The following APOLD1 variants were observed in gnomAD, a reference collection of about 807,000 sequenced individuals.
APOLD1 encodes the protein apolipoprotein L domain-containing protein 1.
In APOLD1, 22 loss-of-function variants were observed where a neutral mutation model predicts 15.3. The ratio of observed to expected loss-of-function variants is 1.44; its 90% confidence interval spans 1.03 to 2.05. The LOEUF (loss-of-function observed/expected upper bound fraction) is 2.05, where lower values mean the gene tolerates loss of function less well. Ranked by LOEUF, APOLD1 falls within the 30% of genes most tolerant of loss-of-function variation. The pLI, the probability that APOLD1 is intolerant of heterozygous loss-of-function variation, is 0.00. For missense variants in APOLD1, 394 were observed against 353.5 expected (o/e 1.11, Z -0.92); for synonymous variants, 190 against 167.4 (o/e 1.13, Z -1.04).
chr12:12,763,126 G>GAA (rs548744102), intron 1 of APOLD1, among the ~76,000 whole-genome samples: 2,098 of 151,458 alleles, frequency 0.014, 29 homozygotes, highest in Non-Finnish European at 0.019. Flanking sequence ...CCTGTCTCAA[G>GAA]AAAAAAAATT....
intron 1 of APOLD1, among the ~76,000 whole-genome samples, chr12:12,761,647 T>C (rs1946899323): frequency 6.6e-6 from 1 of 152,014 alleles, no homozygotes; most frequent in Non-Finnish European, 1.5e-5. Flanking sequence ...ATATGATAAA[T>C]GTCTATCAAC....
At chr12:12,748,156 A>G (rs1234098325) in intron 1 of APOLD1, among the ~76,000 whole-genome samples, 4 of 152,234 alleles carry the variant, frequency 2.6e-5, no homozygotes, top group African/African-American at 9.6e-5. Context: ...CTATCCTTTT[A>G]GATATTAAGA....
chr12:12,737,073 T>C (rs1348921072), intron 1 of APOLD1, among the ~76,000 whole-genome samples: 2 of 152,236 alleles, frequency 1.3e-5, no homozygotes, highest in Non-Finnish European at 2.9e-5. Flanking sequence ...GAATACTGAA[T>C]CTTTTGCTTC....
intron 1 of APOLD1, chr12:12,771,629 CT>C: frequency 2.0e-6 from 1 of 499,132 alleles, no homozygotes; most frequent in Non-Finnish European, 4.0e-6. Flanking sequence ...TAATTTTCTG[CT>C]TGCTATTGTC....
rs1947170546 is a variant in APOLD1, at chr12:12,790,006, T to C, written c.*2354T>C. On this transcript the variant is annotated 3_prime_UTR_variant, in exon 2 of 2. Coordinates refer to ENST00000356591, the MANE Select transcript of APOLD1 (RefSeq NM_030817.3). ...GACTGTTTCACCCAGATGCTAGCAT[T>C]TTTTTTTTTTTTTTGAGACAGAGTC... 1 of 144,246 alleles carries C rather than the reference T, an allele frequency of 6.9e-6. No homozygotes were observed. The highest frequency in any genetic ancestry group is 2.7e-5 in the African/African-American group (1 of 36,902). 8.9% of individuals were successfully genotyped at this position (144,246 alleles called of 1,614,324 possible).
chr12:12,743,420 G>T (rs1946742379), intron 1 of APOLD1, among the ~76,000 whole-genome samples: 1 of 152,124 alleles, frequency 6.6e-6, no homozygotes, highest in African/African-American at 2.4e-5. Context: ...GAGGAGAGCG[G>T]TTTGGATTAT....
intron 1 of APOLD1, among the ~76,000 whole-genome samples, chr12:12,775,971 T>G (rs1387353339): frequency 1.7e-5 from 2 of 117,698 alleles, no homozygotes; most frequent in East Asian, 5.7e-4. Flanking sequence ...GCCACTGCAC[T>G]CCAGCTTGGG....
chr12:12,761,011 T>C (rs1210634171), intron 1 of APOLD1, among the ~76,000 whole-genome samples: 4 of 152,238 alleles, frequency 2.6e-5, no homozygotes, highest in Non-Finnish European at 5.9e-5. Flanking sequence ...TTTGAGATGT[T>C]AAACCTTATA....
chr12:12,791,114 C>T lies in APOLD1; in HGVS notation c.*3462C>T, dbSNP rs568162585. 6 of 152,166 alleles carry T rather than the reference C, an allele frequency of 3.9e-5. No homozygotes were observed. Among genetic ancestry groups the T allele is most frequent in the Non-Finnish European group, 8.8e-5 (6 of 68,032 alleles). The allele number at this position is 152,166 out of a possible 1,614,324, so 9.4% of individuals were successfully genotyped here. The stretch of plus-strand genomic sequence containing the variant: ...GCATTTTCAGGATTCAATAGAACTG[C>T]TCCATTAAAAAAATAATCCTTAGCA... On this transcript the variant is annotated 3_prime_UTR_variant, in exon 2 of 2. Coordinates refer to ENST00000356591, the MANE Select transcript of APOLD1 (RefSeq NM_030817.3).
intron 1 of APOLD1, among the ~76,000 whole-genome samples, chr12:12,740,744 T>C (rs144797133): frequency 1.3e-5 from 2 of 152,348 alleles, no homozygotes; most frequent in African/African-American, 4.8e-5. Context: ...CAGTATTACC[T>C]GAAAATTCTT....
intron 1 of APOLD1, among the ~76,000 whole-genome samples, chr12:12,732,031 C>T (rs1261386788): frequency 1.3e-5 from 2 of 152,242 alleles, no homozygotes; most frequent in Admixed American, 6.5e-5. Flanking sequence ...GCTCTCAACA[C>T]ATCCCCATCC....
chr12:12,744,176 G>A (rs1349291327), intron 1 of APOLD1, among the ~76,000 whole-genome samples: 1 of 152,012 alleles, frequency 6.6e-6, no homozygotes, highest in Non-Finnish European at 1.5e-5. Flanking sequence ...GCAAGGAACG[G>A]TGTGCACCTG....
chr12:12,750,246 G>A (rs540663899), intron 1 of APOLD1, among the ~76,000 whole-genome samples: 22 of 151,950 alleles, frequency 1.4e-4, no homozygotes, highest in African/African-American at 5.1e-4. Flanking sequence ...GTGGCACATG[G>A]CAGTAATCCC....
chr12:12,775,953 A>G (rs563370286), intron 1 of APOLD1, among the ~76,000 whole-genome samples: 1 of 142,712 alleles, frequency 7.0e-6, no homozygotes, highest in East Asian at 2.4e-4. Flanking sequence ...ACAGTGAGCT[A>G]TGATCATGCC....
At chr12:12,786,664 A>G in intron 1 of APOLD1, 2 of 985,416 alleles carry the variant, frequency 2.0e-6, no homozygotes, top group Non-Finnish European at 1.2e-6. Flanking sequence ...GAAGCAGAAG[A>G]TAGCATTATT....
At chr12:12,772,602 T>G (rs2136392896) in intron 1 of APOLD1, among the ~76,000 whole-genome samples, 1 of 152,322 alleles carries the variant, frequency 6.6e-6, no homozygotes, top group East Asian at 1.9e-4. Context: ...CAGTAGGGCA[T>G]AGTTGAACTC....
chr12:12,745,069 GC>G (rs1946755439), intron 1 of APOLD1, among the ~76,000 whole-genome samples: 1 of 152,032 alleles, frequency 6.6e-6, no homozygotes, highest in Non-Finnish European at 1.5e-5. Context: ...TAATGTACTG[GC>G]AATACCTCCC....
At chr12:12,772,726 C>T (rs1946998878) in intron 1 of APOLD1, among the ~76,000 whole-genome samples, 1 of 152,182 alleles carries the variant, frequency 6.6e-6, no homozygotes, top group African/African-American at 2.4e-5. Context: ...ACATAGACCA[C>T]ATTCTGGGCT....
chr12:12,760,475 T>C (rs986651604), intron 1 of APOLD1, among the ~76,000 whole-genome samples: 4 of 151,714 alleles, frequency 2.6e-5, no homozygotes, highest in Non-Finnish European at 5.9e-5. Flanking sequence ...CCGTCTTTAC[T>C]AAAAATACAA....
Sources: gnomAD v4.1 joint callset for allele counts (sites outside exome capture counted in the v4.1 genomes callset) on GRCh38, gnomAD v4.1.1 for gene constraint, MANE v1.5 for transcripts, NCBI Gene and HGNC (gene_info 2026-07-23, HGNC 2026-07-21) for gene names.